ABCD3: variants seen among roughly 807,000 people sequenced by gnomAD.
ABCD3 encodes ATP-binding cassette sub-family D member 3.
In ABCD3, 41 loss-of-function variants were observed where a neutral mutation model predicts 105.5. The observed-to-expected ratio is 0.39, with a 90% CI of 0.30 to 0.50. The LOEUF is 0.50. Ranked by LOEUF, ABCD3 falls within the 20% of genes least tolerant of loss-of-function variation. ABCD3 has a pLI of 0.84. For synonymous variants in ABCD3, 258 were observed against 269.0 expected (o/e 0.96, Z 0.40); for missense variants, 622 against 806.3 (o/e 0.77, Z 2.77).
At chr1:94,501,389 T>C (rs1227769333) in intron 20 of ABCD3, among the ~76,000 whole-genome samples, 1 of 152,018 alleles carries the variant, frequency 6.6e-6, no homozygotes, top group Admixed American at 6.6e-5. Flanking sequence ...GAGAATTGAA[T>C]GTGATGTGTA....
rs772451043 is a variant in ABCD3 at position 94,418,434 on chromosome 1, G to A, written c.-45G>A. ...GTGCAGTAAGGTAGCCGCCGCCGCC[G>A]CCGCCGCCGCGTCCCCTCGCCGGCT... On this transcript the variant is annotated 5_prime_UTR_variant, in exon 1 of 23. Coordinates refer to ENST00000370214, the MANE Select transcript of ABCD3 (RefSeq NM_002858.4). 2 of 1,533,790 alleles carry A rather than the reference G, an allele frequency of 1.3e-6. No homozygotes were observed. The highest frequency in any genetic ancestry group is 2.3e-5 in the South Asian group (2 of 85,832).
intron 1 of ABCD3, among the ~76,000 whole-genome samples, chr1:94,446,621 G>T (rs1340506955): frequency 1.3e-5 from 2 of 152,164 alleles, no homozygotes; most frequent in African/African-American, 4.8e-5. Flanking sequence ...AGCTTATTGG[G>T]TGAATCAAAT....
intron 20 of ABCD3, among the ~76,000 whole-genome samples, chr1:94,502,848 A>C (rs1650165324): frequency 6.6e-6 from 1 of 152,102 alleles, no homozygotes; most frequent in Non-Finnish European, 1.5e-5. Flanking sequence ...GGCCAAGCAA[A>C]GACAGCTAGT....
rs1354661785 is a variant in ABCD3 at position 94,499,488 on chromosome 1, C to T, written c.1621-7C>T. The T allele has an allele frequency of 5.6e-6, 9 of 1,612,216 alleles. No individual in the cohort carries two copies. Among genetic ancestry groups the T allele is most frequent in the Non-Finnish European group, 6.8e-6 (8 of 1,178,584 alleles). ...TTTAATTTCATCTTTAATCATTTTG[C>T]TGAAAGGTACTGAAGGAATACTTAG... On this transcript the variant is annotated splice_region_variant and splice_polypyrimidine_tract_variant and intron_variant, in intron 19 of 22. Transcript: ENST00000370214.
chr1:94,486,353 A>C (rs1360723390), intron 10 of ABCD3, among the ~76,000 whole-genome samples: 1 of 152,190 alleles, frequency 6.6e-6, no homozygotes, highest in Non-Finnish European at 1.5e-5. Flanking sequence ...TACAGTCTCT[A>C]ATTATCTTGT....
chr1:94,506,484 T>C (rs901790944), intron 20 of ABCD3, 54 bp from the exon 21 acceptor site: 7 of 1,035,720 alleles, frequency 6.8e-6, no homozygotes, highest in Non-Finnish European at 9.1e-6. Flanking sequence ...TGTTTCGGCT[T>C]ACTAATTTTA....
At position 94,483,342 on chromosome 1, in the gene ABCD3, C is replaced by T. The variant is rs550722845; in HGVS notation, c.897+103C>T. On this transcript the variant is annotated intron_variant, in intron 10 of 22. Coordinates refer to ENST00000370214, the MANE Select transcript of ABCD3 (RefSeq NM_002858.4). Reference sequence around the variant, plus strand: ...ACATACACACACACACAAACACACACGTATGTATACATATCTTAAAGATTT... The same window carrying T: ...ACATACACACACACACAAACACACATGTATGTATACATATCTTAAAGATTT... 118 of 814,114 alleles carry T rather than the reference C, an allele frequency of 1.4e-4. 1 individual carries two copies. The South Asian group carries it at 1.5e-3, about 11-fold the overall frequency. The allele number at this position is 814,114 out of a possible 1,614,324, so 50.4% of individuals were successfully genotyped here. A position where few individuals can be genotyped will look rare whatever the true frequency, so the allele number is the denominator to read the frequency against.
At chr1:94,408,430 C>CA in the ABCD3 span, among the ~76,000 whole-genome samples, 864 of 140,790 alleles carry the variant, frequency 6.1e-3, 5 homozygotes, top group African/African-American at 0.017. Context: ...TAAAAAAATC[C>CA]AAAAAAAAAA....
the ABCD3 span, among the ~76,000 whole-genome samples, chr1:94,406,152 C>T: frequency 6.6e-6 from 1 of 150,694 alleles, no homozygotes; most frequent in Non-Finnish European, 1.5e-5. Context: ...ATCCAGCGAT[C>T]TCAACACCAT....
At chr1:94,453,412 G>A (rs1465318954) in intron 1 of ABCD3, among the ~76,000 whole-genome samples, 1 of 150,028 alleles carries the variant, frequency 6.7e-6, no homozygotes, top group Non-Finnish European at 1.5e-5. Flanking sequence ...TCCGCCTCCC[G>A]GGTTCACGCC....
chr1:94,512,957 C>G (rs1178229535), intron 21 of ABCD3, among the ~76,000 whole-genome samples: 1 of 151,968 alleles, frequency 6.6e-6, no homozygotes, highest in South Asian at 2.1e-4. Flanking sequence ...TGTTCATGAT[C>G]AGCAGCAGCA....
At chr1:94,493,296 A>C (rs2101030365) in intron 16 of ABCD3, among the ~76,000 whole-genome samples, 1 of 152,080 alleles carries the variant, frequency 6.6e-6, no homozygotes, top group African/African-American at 2.4e-5. Flanking sequence ...ATGAACAGAC[A>C]CTTCTCAAAA....
rs563866087 is a variant in ABCD3 at position 94,496,730 on chromosome 1, G to T, written c.1387-1872G>T. 2.1e-4 allele frequency among the ~76,000 whole-genome samples: 15 copies of T among 71,880 alleles called. No homozygotes were observed. In the South Asian group the frequency reaches 7.3e-3, roughly 35 times the overall value. The allele number at this position is 71,880 out of a possible 152,430, so 47.2% of individuals were successfully genotyped here. A position where few individuals can be genotyped will look rare whatever the true frequency, so the allele number is the denominator to read the frequency against. On this transcript the variant is annotated intron_variant, in intron 16 of 22. Transcript: ENST00000370214. ...TTTTTTTTTTTTTTTTTTTGAATAGGATAGCTACATTCCTGCTTCAGTGCC... is the reference window on the plus strand; with the variant it reads ...TTTTTTTTTTTTTTTTTTTGAATAGTATAGCTACATTCCTGCTTCAGTGCC...
chr1:94,461,670 T>A (rs1209369142), intron 2 of ABCD3, among the ~76,000 whole-genome samples: 1 of 152,118 alleles, frequency 6.6e-6, no homozygotes, highest in African/African-American at 2.4e-5. Context: ...TTTTTACAGT[T>A]GTATAGAGTT....
chr1:94,428,643 C>T (rs1659561576), intron 1 of ABCD3, among the ~76,000 whole-genome samples: 1 of 152,120 alleles, frequency 6.6e-6, no homozygotes, highest in Non-Finnish European at 1.5e-5. Context: ...AAGAGGAGTT[C>T]TCCTGTACAA....
chr1:94,472,904 A>G (rs934997072), intron 4 of ABCD3, among the ~76,000 whole-genome samples: 13 of 152,312 alleles, frequency 8.5e-5, no homozygotes, highest in African/African-American at 2.9e-4. Flanking sequence ...CTATCTTTGT[A>G]TTAGGTCATA....
intron 20 of ABCD3, among the ~76,000 whole-genome samples, chr1:94,505,241 G>A (rs1283004112): frequency 6.6e-6 from 1 of 152,064 alleles, no homozygotes; most frequent in African/African-American, 2.4e-5. Flanking sequence ...TGCTGTTTCA[G>A]CCAGGCTGGA....
At chr1:94,398,992 CA>C in the ABCD3 span, among the ~76,000 whole-genome samples, 6 of 144,784 alleles carry the variant, frequency 4.1e-5, no homozygotes, top group East Asian at 6.0e-4. Context: ...GTTGTACTCT[CA>C]AAAAAAAAAC....
At chr1:94,422,680 A>G (rs1659305078) in intron 1 of ABCD3, among the ~76,000 whole-genome samples, 1 of 152,192 alleles carries the variant, frequency 6.6e-6, no homozygotes, top group Non-Finnish European at 1.5e-5. Context: ...TAAATGACAT[A>G]GGATAGTTGA....
Sources: gnomAD v4.1 joint callset for allele counts (sites outside exome capture counted in the v4.1 genomes callset) on GRCh38, gnomAD v4.1.1 for gene constraint, MANE v1.5 for transcripts, NCBI Gene and HGNC (gene_info 2026-07-23, HGNC 2026-07-21) for gene names.